The following CCDC3 variants were observed in gnomAD, a reference collection of about 807,000 sequenced individuals.
The protein encoded by CCDC3 is coiled-coil domain-containing protein 3.
Under a neutral mutation model 21.4 loss-of-function variants are expected in CCDC3, and 24 were observed. The ratio of observed to expected loss-of-function variants is 1.12; its 90% CI spans 0.81 to 1.58. The LOEUF is 1.58. Among genes scored for constraint, CCDC3 ranks in the 40% most tolerant of loss-of-function variants. The pLI is 0.00. For missense variants in CCDC3, 425 were observed against 360.9 expected (o/e 1.18, Z -1.44); for synonymous variants, 186 against 166.0 (o/e 1.12, Z -0.93).
At chr10:12,974,338 T>G (rs1327292906) in intron 2 of CCDC3, among the ~76,000 whole-genome samples, 1 of 152,248 alleles carries the variant, frequency 6.6e-6, no homozygotes, top group East Asian at 1.9e-4. Context: ...CGGGGCAGCC[T>G]GGTGCAGGCC....
chr10:13,046,437 T>C (rs1836531035), intron 5 of CCDC3, among the ~76,000 whole-genome samples: 1 of 149,794 alleles, frequency 6.7e-6, no homozygotes, highest in Non-Finnish European at 1.5e-5. Flanking sequence ...CCAGGTGCGG[T>C]GGCTCATGCC....
chr10:13,087,633 G>C (rs771521810), intron 3 of CCDC3, among the ~76,000 whole-genome samples: 9 of 151,932 alleles, frequency 5.9e-5, no homozygotes, highest in Admixed American at 1.3e-4. Context: ...AGGTCCTAAG[G>C]GGTAGAAGTT....
At chr10:13,006,783 G>A (rs1306597516) in intron 5 of CCDC3, among the ~76,000 whole-genome samples, 1 of 152,130 alleles carries the variant, frequency 6.6e-6, no homozygotes, top group Non-Finnish European at 1.5e-5. Flanking sequence ...AAGGCTCTGT[G>A]TCTATAAATT....
intron 2 of CCDC3, among the ~76,000 whole-genome samples, chr10:12,990,435 C>A (rs1385505847): frequency 6.6e-6 from 1 of 152,174 alleles, no homozygotes; most frequent in Non-Finnish European, 1.5e-5. Context: ...GAACTATTGG[C>A]TTTCTTCATG....
intron 3 of CCDC3, among the ~76,000 whole-genome samples, chr10:13,081,285 C>T (rs1837036527): frequency 6.6e-6 from 1 of 152,176 alleles, no homozygotes; most frequent in Admixed American, 6.5e-5. Context: ...CTTCCACTTT[C>T]CCTTCCCTCA....
intron 2 of CCDC3, among the ~76,000 whole-genome samples, chr10:12,953,874 T>C (rs1460142107): frequency 6.6e-6 from 1 of 152,196 alleles, no homozygotes; most frequent in Admixed American, 6.5e-5. Flanking sequence ...AAAGGCCGGA[T>C]AATAAATATT....
chr10:12,898,677 G>A lies in CCDC3; in HGVS notation c.552C>T (p.Leu184=), dbSNP rs1275008701. ...SDWEIQEDSR[L]MCSSVQKALF... ...AGGCCTTCTGCACCGAGGAGCACAT[G>A]AGCTGGAGGCAGAGACAGCGTGCAA... The change falls in exon 3 of 3, where the codon CTC becomes CTT. Residue 184 remains leucine (L), a splice_region_variant and synonymous_variant. Transcript: ENST00000378825. The A allele has an allele frequency of 1.9e-6, 3 of 1,613,920 alleles. No individual in the cohort carries two copies. Among genetic ancestry groups the A allele is most frequent in the Non-Finnish European group, 1.7e-6 (2 of 1,179,902 alleles).
chr10:12,947,457 C>G (rs1167369800), intron 2 of CCDC3, among the ~76,000 whole-genome samples: 1 of 152,178 alleles, frequency 6.6e-6, no homozygotes, highest in South Asian at 2.1e-4. Flanking sequence ...CTGTTCACTT[C>G]TATACAACAA....
At chr10:13,087,574 G>A (rs768963216) in intron 3 of CCDC3, among the ~76,000 whole-genome samples, 65 of 152,066 alleles carry the variant, frequency 4.3e-4, no homozygotes, top group Non-Finnish European at 8.8e-4. Context: ...GGAAATGGGC[G>A]GGTGAGATCG....
At chr10:12,978,406 G>A (rs1266803008) in intron 2 of CCDC3, among the ~76,000 whole-genome samples, 1 of 152,208 alleles carries the variant, frequency 6.6e-6, no homozygotes, top group Admixed American at 6.5e-5. Flanking sequence ...TCACAGAAAT[G>A]TGCTACTACC....
chr10:12,963,457 A>C (rs1367815485), intron 2 of CCDC3, among the ~76,000 whole-genome samples: 1 of 152,194 alleles, frequency 6.6e-6, no homozygotes. Flanking sequence ...AAAGAGTTTC[A>C]TATATACTAA....
chr10:12,998,202 G>T, intron 2 of CCDC3, 136 bp downstream of exon 2: 2 of 847,272 alleles, frequency 2.4e-6, no homozygotes, highest in Non-Finnish European at 3.5e-6. Flanking sequence ...GATAGCAGGA[G>T]AGAGAGAGGG....
At chr10:13,025,064 T>G (rs956001990) in intron 5 of CCDC3, among the ~76,000 whole-genome samples, 5 of 152,232 alleles carry the variant, frequency 3.3e-5, no homozygotes, top group Non-Finnish European at 5.9e-5. Flanking sequence ...TTTGATGGTT[T>G]ATAATAATTT....
intron 5 of CCDC3, among the ~76,000 whole-genome samples, chr10:13,034,702 AAAACAAAC>A (rs142897479): frequency 9.9e-5 from 15 of 151,196 alleles, no homozygotes; most frequent in Admixed American, 6.6e-4. Flanking sequence ...CTCACTGTAA[AAAACAAAC>A]AAACAAACAA....
At chr10:13,091,914 A>T (rs893289081) in intron 3 of CCDC3, among the ~76,000 whole-genome samples, 10 of 152,124 alleles carry the variant, frequency 6.6e-5, no homozygotes, top group Admixed American at 2.0e-4. Context: ...AAATAATCCT[A>T]AATGCCAGAG....
rs113914976 is a variant in CCDC3, at chr10:12,998,356, T to A, written c.531A>T (p.Glu177Asp). The part of the protein sequence containing the change: ...QQLATFSSDW[E>D]IQEDSRLMCS... ...TTCTTACCCTACTGTCTTCCTGGATTTCCCAGTCACTGGAGAAAGTCGCCA... is the reference window on the plus strand; with the variant it reads ...TTCTTACCCTACTGTCTTCCTGGATATCCCAGTCACTGGAGAAAGTCGCCA... The change falls in exon 2 of 3, where the codon GAA becomes GAT. Residue 177 changes from glutamate (E) to aspartate (D), a missense_variant. Coordinates refer to ENST00000378825, the MANE Select transcript of CCDC3 (RefSeq NM_031455.4). 1.2e-6 allele frequency: 2 copies of A among 1,614,140 alleles called. No homozygotes were observed. Among genetic ancestry groups the A allele is most frequent in the South Asian group, 2.2e-5 (2 of 91,060 alleles).
chr10:13,007,932 A>G (rs1835943456), intron 5 of CCDC3, among the ~76,000 whole-genome samples: 1 of 152,132 alleles, frequency 6.6e-6, no homozygotes, highest in South Asian at 2.1e-4. Context: ...GAGACATGCA[A>G]GATAGGAGGA....
At chr10:13,052,711 AG>A (rs1836623699) in intron 4 of CCDC3, among the ~76,000 whole-genome samples, 1 of 152,058 alleles carries the variant, frequency 6.6e-6, no homozygotes, top group Admixed American at 6.6e-5. Context: ...AGGCTGAGGC[AG>A]GCGGATCACT....
At chr10:13,017,464 T>C (rs1272416516) in intron 5 of CCDC3, among the ~76,000 whole-genome samples, 1 of 142,216 alleles carries the variant, frequency 7.0e-6, no homozygotes, top group Non-Finnish European at 1.5e-5. Flanking sequence ...TTGCAGTGAG[T>C]TGAGACTGCG....
Sources: allele counts gnomAD v4.1 joint callset (sites outside exome capture counted in the v4.1 genomes callset), GRCh38; gene constraint gnomAD v4.1.1; transcripts MANE v1.5; gene names NCBI Gene and HGNC (gene_info 2026-07-23, HGNC 2026-07-21).